Variants in AMPD3 observed in about 807,000 individuals in gnomAD.
AMPD3 encodes AMP deaminase 3.
A neutral mutation model predicts 82.3 loss-of-function variants in AMPD3; 57 were observed. That is an observed-to-expected ratio of 0.69 (90% CI 0.56 to 0.86). The LOEUF (loss-of-function observed/expected upper bound fraction) is 0.86, where lower values mean the gene tolerates loss of function less well. AMPD3 is among the 40% of genes least tolerant of loss of function. AMPD3 has a pLI of 0.00. For synonymous variants in AMPD3, 381 were observed against 394.7 expected, an observed-to-expected ratio of 0.97 and a Z score of 0.41; for missense variants, 870 against 1,003.8, an observed-to-expected ratio of 0.87 and a Z score of 1.80.
chr11:10,461,590 T>A lies in AMPD3; in HGVS notation c.71T>A (p.Val24Glu). Residue 24 changes from valine (V) to glutamate (E), a missense_variant, in exon 2 of 15, where the codon GTG becomes GAG. Physicochemically the swap from Val to Glu is moderately radical, Grantham distance 121 (BLOSUM62 -2). Transcript: ENST00000396553. ...CAAGTCCGGCTCCTGGCGGAGAAGG[T>A]GTTTGCTAAAGTGCTCCGAGAAGAG... ...DEQVRLLAEK[V>E]FAKVLREEDS... The A allele has an allele frequency of 6.2e-7, 1 of 1,614,134 alleles. No homozygotes were observed. The highest frequency in any genetic ancestry group is 1.7e-5 in the Admixed American group (1 of 60,012).
At chr11:10,457,723 C>T (rs150389802) in intron 1 of AMPD3, among the ~76,000 whole-genome samples, 211 of 152,180 alleles carry the variant, frequency 1.4e-3, no homozygotes, top group East Asian at 5.6e-3. Flanking sequence ...GGTGAAACCC[C>T]ATCTCTACTA....
At chr11:10,461,413 C>A (rs1848265756) in intron 1 of AMPD3, 102 bp from the exon 2 acceptor site, 1 of 1,604,374 alleles carries the variant, frequency 6.2e-7, no homozygotes, top group Non-Finnish European at 8.5e-7. Context: ...GACAGCTGAC[C>A]CCAAGTACCA....
chr11:10,501,401 G>A, intron 11 of AMPD3, 69 bp from the exon 12 acceptor site: 3 of 1,594,596 alleles, frequency 1.9e-6, no homozygotes, highest in South Asian at 2.2e-5. Context: ...GCCCTGAGCT[G>A]TGGCTGCAGG....
At chr11:10,490,444 A>G (rs1311057928) in intron 6 of AMPD3, 3 of 975,826 alleles carry the variant, frequency 3.1e-6, no homozygotes, top group African/African-American at 1.8e-5. Context: ...GATGCCTGCC[A>G]TGGGTATGGA....
upstream of AMPD3, chr11:10,455,258 C>T (rs1016436314): frequency 1.0e-6 from 1 of 985,442 alleles, no homozygotes; most frequent in Non-Finnish European, 1.2e-6. Context: ...TGTTCTGAGC[C>T]TTCCCACTCT....
chr11:10,505,810 G>A lies in AMPD3; in HGVS notation c.2230G>A (p.Glu744Lys), dbSNP rs1849702800. 1 of 1,614,202 alleles carries A rather than the reference G, an allele frequency of 6.2e-7. No homozygotes were observed. The highest frequency in any genetic ancestry group is 8.5e-7 in the Non-Finnish European group (1 of 1,180,040). The change falls in exon 15 of 15, where the codon GAG becomes AAG. Residue 744 changes from glutamate (E) to lysine (K), a missense_variant. Coordinates refer to ENST00000396553, the MANE Select transcript of AMPD3 (RefSeq NM_001025389.2). ...VAQIRMAFRYETLCNELSFLS... is the reference protein window; with the variant it reads ...VAQIRMAFRYKTLCNELSFLS... ...TCAGATCCGGATGGCATTCCGATAT[G>A]AGACCTTATGCAATGAGCTCAGCTT...
At chr11:10,467,304 A>G (rs1393140816) in intron 2 of AMPD3, among the ~76,000 whole-genome samples, 1 of 152,226 alleles carries the variant, frequency 6.6e-6, no homozygotes, top group Admixed American at 6.5e-5. Flanking sequence ...TAGAAAAACC[A>G]GTTTAGAGAA....
chr11:10,503,569 G>C (rs1418562638), intron 13 of AMPD3, among the ~76,000 whole-genome samples: 2 of 151,928 alleles, frequency 1.3e-5, no homozygotes, highest in Admixed American at 1.3e-4. Context: ...TGTTTATGTG[G>C]GTTATATCTA....
In AMPD3 at chr11:10,501,455, C is replaced by A. The variant is rs767351632; in HGVS notation, c.1722-15C>A. ...GGGGGGGGCCTTCCTGATTCGGAAA[C>A]CCCTTCTCTTACAGGGAGCGCGGCC... On this transcript the variant is annotated splice_polypyrimidine_tract_variant and intron_variant, in intron 11 of 14. Transcript: ENST00000396553. 1 of 1,612,724 alleles carries A rather than the reference C, an allele frequency of 6.2e-7. No individual in the cohort carries two copies. The highest frequency in any genetic ancestry group is 8.5e-7 in the Non-Finnish European group (1 of 1,179,028).
chr11:10,493,236 C>T (rs1433333968), intron 6 of AMPD3, 113 bp from the exon 7 acceptor site: 2 of 1,251,928 alleles, frequency 1.6e-6, no homozygotes, highest in East Asian at 2.3e-5. Context: ...GGTGGGGCTG[C>T]CCGGATGGCC....
chr11:10,483,070 C>G (rs537188406), intron 4 of AMPD3, among the ~76,000 whole-genome samples: 1 of 152,298 alleles, frequency 6.6e-6, no homozygotes, highest in African/African-American at 2.4e-5. Flanking sequence ...ACCTATCTCC[C>G]AGGGCTGTCG....
rs11042859 is a variant in AMPD3 at position 10,500,737 on chromosome 11, G to A, written c.1721+488G>A. The A allele has an allele frequency of 1.7e-3, 1,704 of 985,322 alleles. 16 individuals carry two copies. In the East Asian group the frequency reaches 0.06, roughly 35 times the overall value. The allele number at this position is 985,322 out of a possible 1,614,324, so 61.0% of individuals were successfully genotyped here. A position where few individuals can be genotyped will look rare whatever the true frequency, so the allele number is the denominator to read the frequency against. On this transcript the variant is annotated intron_variant, in intron 11 of 14. Transcript: ENST00000396553. ...TTGCCCTGGGCACTGGACAAATAAC[G>A]GGGAACAAAACAGACTAAATCCATG... is the stretch of plus-strand genomic sequence containing the variant.
At chr11:10,488,769 C>T (rs1345958025) in intron 6 of AMPD3, among the ~76,000 whole-genome samples, 1 of 152,138 alleles carries the variant, frequency 6.6e-6, no homozygotes, top group East Asian at 1.9e-4. Context: ...TCCACAGGAG[C>T]TCTGTCCCAG....
In AMPD3 at chr11:10,468,092, C is replaced by T. The variant is rs533041167; in HGVS notation, c.221+6352C>T. 6.8e-4 allele frequency among the ~76,000 whole-genome samples: 103 copies of T among 152,232 alleles called. No individual in the cohort carries two copies. The Middle Eastern group carries it at 0.01, about 15-fold the overall frequency. On this transcript the variant is annotated intron_variant, in intron 2 of 14. Transcript: ENST00000396553. ...CAAATTGTAAAGACTATCAACACTT[C>T]GAAGAAACTGCATCAACTAATGGGC...
At chr11:10,464,183 C>A (rs1478064617) in intron 2 of AMPD3, among the ~76,000 whole-genome samples, 1 of 152,172 alleles carries the variant, frequency 6.6e-6, no homozygotes, top group African/African-American at 2.4e-5. Context: ...TAAGTGATTT[C>A]TCTGACTTCC....
intron 2 of AMPD3, chr11:10,478,003 T>G (rs1848789477): frequency 1.0e-6 from 1 of 985,348 alleles, no homozygotes; most frequent in African/African-American, 1.7e-5. Flanking sequence ...AGCATCCCTC[T>G]CTCTTCTGGC....
chr11:10,452,763 C>T (rs1564835523), upstream of AMPD3, among the ~76,000 whole-genome samples: 1 of 152,188 alleles, frequency 6.6e-6, no homozygotes, highest in South Asian at 2.1e-4. Flanking sequence ...ATACTCTATG[C>T]CAGGTACCAG....
At chr11:10,505,592 GA>G in intron 14 of AMPD3, 115 bp from the exon 15 acceptor site, 1 of 1,527,196 alleles carries the variant, frequency 6.5e-7, no homozygotes, top group Non-Finnish European at 8.7e-7. Context: ...CCTGACCAAA[GA>G]TCTGCTTCAG....
chr11:10,485,443 C>T (rs1369762880), intron 5 of AMPD3, among the ~76,000 whole-genome samples: 1 of 152,050 alleles, frequency 6.6e-6, no homozygotes, highest in Non-Finnish European at 1.5e-5. Flanking sequence ...AGGGGTTTTG[C>T]CATGTTGCCT....
Sources: allele counts gnomAD v4.1 joint callset (sites outside exome capture counted in the v4.1 genomes callset), GRCh38; gene constraint gnomAD v4.1.1; transcripts MANE v1.5; gene names NCBI Gene and HGNC (gene_info 2026-07-23, HGNC 2026-07-21).